Variants in RANBP3 observed in about 807,000 individuals in gnomAD.
RANBP3 encodes the protein RAN binding protein 3.
In RANBP3, 14 loss-of-function variants were observed where a neutral mutation model predicts 77.3. That is an observed-to-expected ratio of 0.18 (90% CI 0.12 to 0.28). The LOEUF (loss-of-function observed/expected upper bound fraction) is 0.28, where lower values mean the gene tolerates loss of function less well. Ranked by LOEUF, RANBP3 falls within the 10% of genes least tolerant of loss-of-function variation. The pLI is 1.00. For missense variants in RANBP3, 586 were observed against 752.3 expected, an observed-to-expected ratio of 0.78 and a Z score of 2.59; for synonymous variants, 315 against 312.4, an observed-to-expected ratio of 1.01 and a Z score of -0.09.
chr19:5,926,081 G>A (rs2057905243), intron 9 of RANBP3, among the ~76,000 whole-genome samples: 1 of 152,140 alleles, frequency 6.6e-6, no homozygotes, highest in Non-Finnish European at 1.5e-5. Flanking sequence ...GACGTTTTGG[G>A]GGGTTTACTA....
Position 5,924,047 on chromosome 19 carries a change from G to A in RANBP3, c.997-133C>T, listed in dbSNP as rs1180538141. On this transcript the variant is annotated intron_variant, in intron 11 of 16. Coordinates refer to ENST00000340578, the MANE Select transcript of RANBP3 (RefSeq NM_007322.3). This position sits in a 1 kb window ranked among gnomAD's most constrained non-coding sequence, Gnocchi z 4.7. ...TCCTGCCCACTCCCGGTGACACCCTGAACTGCCTGGGAGCTCCCCACGTGG... is the reference window on the plus strand; with the variant it reads ...TCCTGCCCACTCCCGGTGACACCCTAAACTGCCTGGGAGCTCCCCACGTGG... The A allele has an allele frequency of 5.8e-6, 4 of 684,678 alleles. No individual in the cohort carries two copies. Among genetic ancestry groups the A allele is most frequent in the Non-Finnish European group, 1.0e-5 (4 of 400,222 alleles). The allele number at this position is 684,678 out of a possible 1,614,324, so 42.4% of individuals were successfully genotyped here.
rs746979377 is a variant in RANBP3, at chr19:5,921,191, G to A, written c.1330+10C>T. On this transcript the variant is annotated intron_variant, in intron 14 of 16. Transcript: ENST00000340578. The surrounding 1 kb of genome is among the most constrained non-coding windows in gnomAD (Gnocchi z 5.3). ...GGACCCGGCCACAGCCCCCGCCGTC[G>A]GCAGCTCACCTAGTCGGGACTGTAG... is the stretch of plus-strand genomic sequence containing the variant. The A allele has an allele frequency of 1.1e-5, 18 of 1,607,090 alleles. No homozygotes were observed. Among genetic ancestry groups the A allele is most frequent in the Middle Eastern group, 1.7e-4 (1 of 6,040 alleles).
chr19:5,954,730 T>C (rs1366557410), intron 2 of RANBP3, among the ~76,000 whole-genome samples: 4 of 152,154 alleles, frequency 2.6e-5, no homozygotes, highest in Non-Finnish European at 4.4e-5. Context: ...GTTGATGGCC[T>C]CCGCAAGAGA....
chr19:5,920,468 C>G (rs1263315865), intron 14 of RANBP3, among the ~76,000 whole-genome samples: 1 of 152,130 alleles, frequency 6.6e-6, no homozygotes, highest in East Asian at 1.9e-4. Flanking sequence ...TATGCAGGTA[C>G]TCCAAGCTAA....
rs1024708166 is a variant in RANBP3, at chr19:5,942,713, A to C, written c.283-878T>G. Among the ~76,000 whole-genome samples, 124 of 151,878 alleles carry C rather than the reference A, an allele frequency of 8.2e-4. 2 individuals carry two copies. Among genetic ancestry groups the C allele is most frequent in the East Asian group, 2.5e-3 (13 of 5,156 alleles). On this transcript the variant is annotated intron_variant, in intron 3 of 16. Transcript: ENST00000340578. ...GAGACTCTGTCTCAAAAAAAAAAAA[A>C]AAAAAAACAAAAGGACTTAAAATGG...
intron 1 of RANBP3, chr19:5,976,671 G>C (rs1246147381): frequency 1.3e-5 from 2 of 152,284 alleles, no homozygotes; most frequent in African/African-American, 4.8e-5. Context: ...CTGAACCCGG[G>C]AGGCGGAGAT....
Position 5,923,262 on chromosome 19 carries a change from C to T in RANBP3, c.1141G>A (p.Ala381Thr), listed in dbSNP as rs750162248. 11 of 1,614,260 alleles carry T rather than the reference C, an allele frequency of 6.8e-6. No individual in the cohort carries two copies. Among genetic ancestry groups the T allele is most frequent in the Non-Finnish European group, 9.3e-6 (11 of 1,180,056 alleles). ...ESAAAYTKAT[A>T]RKCLLEKVEV... ...ACTTTTTCCAACAAACACTTCCGCG[C>T]TGTTGCCTTGGTGTAGGCGGCTGCC... is the stretch of plus-strand genomic sequence containing the variant. Residue 381 changes from alanine (A) to threonine (T), a missense_variant, in exon 13 of 17, where the codon GCG becomes ACG. Ala to Thr is a moderately conservative substitution (Grantham distance 58). Transcript: ENST00000340578.
At chr19:5,923,167 G>A (rs755888118) in intron 13 of RANBP3, 27 bp downstream of exon 13, 95 of 1,596,494 alleles carry the variant, frequency 6.0e-5, no homozygotes, top group Non-Finnish European at 7.6e-5. Context: ...AAGACCCAGG[G>A]CCACCGAGGA....
Position 5,935,806 on chromosome 19 carries a change from G to A in RANBP3, c.407-2327C>T, listed in dbSNP as rs200325304. The A allele has an allele frequency of 2.8e-5, 13 of 456,702 alleles. No individual in the cohort carries two copies. The East Asian group carries it at 9.0e-4, about 32-fold the overall frequency. The allele number at this position is 456,702 out of a possible 1,614,324, so 28.3% of individuals were successfully genotyped here. A position where few individuals can be genotyped will look rare whatever the true frequency, so the allele number is the denominator to read the frequency against. On this transcript the variant is annotated intron_variant, in intron 5 of 16. Transcript: ENST00000340578. Reference sequence around the variant, plus strand: ...CAGGCCCTGCTCCACGAAAACAAGGGTGGTCTCTTCTCATTCCTTCCAGAA... The same window carrying A: ...CAGGCCCTGCTCCACGAAAACAAGGATGGTCTCTTCTCATTCCTTCCAGAA...
chr19:5,941,832 A>C lies in RANBP3; in HGVS notation c.286T>G (p.Ser96Ala). ...CCTTCAGGACTGGAGCCGCCAGCTG[A>C]CCTCTGAAACAAGGAGCACACAGCC... ...PPFPRELAGR[S>A]AGGSSPEGGE... Residue 96 changes from serine to alanine, a missense_variant, in exon 4 of 17, where the codon TCA (serine) becomes GCA (alanine). Physicochemically the swap from Ser to Ala is moderately conservative, Grantham distance 99. Transcript: ENST00000340578. The C allele has an allele frequency of 6.2e-7, 1 of 1,612,012 alleles. No individual in the cohort carries two copies. The highest frequency in any genetic ancestry group is 2.2e-5 in the East Asian group (1 of 44,874).
chr19:5,949,840 A>T (rs1480732683), intron 3 of RANBP3, among the ~76,000 whole-genome samples: 1 of 152,194 alleles, frequency 6.6e-6, no homozygotes, highest in African/African-American at 2.4e-5. Context: ...TGTGAGAAGT[A>T]CGCAGGGCAC....
At chr19:5,961,299 C>G (rs889313335) in intron 1 of RANBP3, among the ~76,000 whole-genome samples, 1 of 151,658 alleles carries the variant, frequency 6.6e-6, no homozygotes, top group Admixed American at 6.6e-5. Flanking sequence ...AAAAATTAGC[C>G]GGGCGTGGTG....
At chr19:5,938,869 A>G (rs972692404) in intron 5 of RANBP3, among the ~76,000 whole-genome samples, 1 of 151,556 alleles carries the variant, frequency 6.6e-6, no homozygotes, top group Non-Finnish European at 1.5e-5. Context: ...TAGTTGAAAT[A>G]TTTCTGATTT....
chr19:5,943,578 T>A (rs537665628), intron 3 of RANBP3, among the ~76,000 whole-genome samples: 12 of 152,220 alleles, frequency 7.9e-5, no homozygotes, highest in Admixed American at 7.9e-4. Flanking sequence ...TGAAGTCACA[T>A]AGCTCGTTCA....
At chr19:5,918,765 G>GACCC (rs1411700783) in intron 14 of RANBP3, 127 bp from the exon 15 acceptor site, 61 of 1,228,218 alleles carry the variant, frequency 5.0e-5, no homozygotes, top group Non-Finnish European at 6.6e-5. Context: ...ATCCTCCCAG[G>GACCC]ACCCACCCAC....
rs1229127409 is a variant in RANBP3 at position 5,917,146 on chromosome 19, G to T, written c.*464C>A. 2.4e-5 allele frequency: 5 copies of T among 209,638 alleles called. No homozygotes were observed. The highest frequency in any genetic ancestry group is 4.9e-5 in the Non-Finnish European group (5 of 102,018). 13.0% of individuals were successfully genotyped at this position (209,638 alleles called of 1,614,324 possible). ...GAGCAGCCCCCCAAGCTGGGCGGGGGTCCCAGGCCTATAGTTGGGGAGCCC... is the reference window on the plus strand; with the variant it reads ...GAGCAGCCCCCCAAGCTGGGCGGGGTTCCCAGGCCTATAGTTGGGGAGCCC... On this transcript the variant is annotated 3_prime_UTR_variant, in exon 17 of 17. Transcript: ENST00000340578.
At chr19:5,966,776 T>A (rs1159121012) in intron 1 of RANBP3, among the ~76,000 whole-genome samples, 1 of 152,216 alleles carries the variant, frequency 6.6e-6, no homozygotes, top group Non-Finnish European at 1.5e-5. Context: ...ATGACTCCAA[T>A]ACCTGCCAAG....
chr19:5,973,326 C>T (rs768245777), intron 1 of RANBP3, among the ~76,000 whole-genome samples: 10 of 152,182 alleles, frequency 6.6e-5, no homozygotes, highest in Non-Finnish European at 1.2e-4. Flanking sequence ...CGACTCATAC[C>T]TGGTCAGGCT....
rs76406756 is a variant in RANBP3 at position 5,953,502 on chromosome 19, T to C, written c.79-1906A>G. Among the ~76,000 whole-genome samples, 220 of 152,332 alleles carry C rather than the reference T, an allele frequency of 1.4e-3. 2 individuals are homozygous for C. The highest frequency in any genetic ancestry group is 4.9e-3 in the African/African-American group (205 of 41,578). ...ACTGTACTTTCTGCTAAATAGCATT[T>C]CTGTAACTGCCTTCTTTTTACCAAA... On this transcript the variant is annotated intron_variant, in intron 2 of 16. Coordinates refer to ENST00000340578, the MANE Select transcript of RANBP3 (RefSeq NM_007322.3).
Sources: gnomAD v4.1 joint callset for allele counts (sites outside exome capture counted in the v4.1 genomes callset) on GRCh38, gnomAD v4.1.1 for gene constraint, Gnocchi (gnomAD v3.1) non-coding constraint, MANE v1.5 for transcripts, NCBI Gene and HGNC (gene_info 2026-07-23, HGNC 2026-07-21) for gene names.